ZNF14: variants seen among roughly 807,000 people sequenced by gnomAD.
ZNF14 encodes zinc finger protein 14.
A neutral mutation model predicts 11.3 loss-of-function variants in ZNF14; 9 were observed. That is an observed-to-expected ratio of 0.80 (90% confidence interval 0.48 to 1.39). The LOEUF (loss-of-function observed/expected upper bound fraction) is 1.39. Among genes scored for constraint, ZNF14 ranks in the 40% most tolerant of loss-of-function variants. The probability of loss-of-function intolerance (pLI) is 0.00; values close to 1 mark genes in which losing one functional copy is unlikely to be tolerated. For synonymous variants in ZNF14, 239 were observed against 245.7 expected, an observed-to-expected ratio of 0.97 and a Z score of 0.25; for missense variants, 711 against 763.9, an observed-to-expected ratio of 0.93 and a Z score of 0.82.
chr19:19,720,667 T>C lies in ZNF14; in HGVS notation c.4-6180A>G, dbSNP rs1165680463. ...CAGGAAATTGGGCAGCTCAATTTTC[T>C]AAGAGCTCCTAAAATAATTGGAAGC... On this transcript the variant is annotated intron_variant, in intron 1 of 3. Coordinates refer to ENST00000344099, the MANE Select transcript of ZNF14 (RefSeq NM_021030.3). The surrounding 1 kb of genome is among the most constrained non-coding windows in gnomAD (Gnocchi z 4.1). 1.3e-5 allele frequency among the ~76,000 whole-genome samples: 2 copies of C among 152,102 alleles called. No homozygotes were observed. The highest frequency in any genetic ancestry group is 2.9e-5 in the Non-Finnish European group (2 of 68,016).
rs912504331 is a variant in ZNF14, at chr19:19,713,494, G to A, written c.192-405C>T. 9.9e-5 allele frequency among the ~76,000 whole-genome samples: 15 copies of A among 152,022 alleles called. No homozygotes were observed. In the East Asian group the frequency reaches 2.9e-3, roughly 29 times the overall value. ...GATGGAGTCTTGCTCTGTTGCCCAG[G>A]CTGGAGTACAGTGGCACGATCTAGG... is the stretch of plus-strand genomic sequence containing the variant. On this transcript the variant is annotated intron_variant, in intron 3 of 3. Coordinates refer to ENST00000344099, the MANE Select transcript of ZNF14 (RefSeq NM_021030.3).
intron 1 of ZNF14, among the ~76,000 whole-genome samples, chr19:19,731,242 T>G (rs1253830425): frequency 6.6e-6 from 1 of 152,056 alleles, no homozygotes; most frequent in African/African-American, 2.4e-5. Context: ...GTACCCAAAC[T>G]AGATATGGTA....
chr19:19,712,079 CT>C lies in ZNF14; in HGVS notation c.1201del (p.Ser401ValfsTer305). 6.2e-7 allele frequency: 1 copy of C among 1,613,402 alleles called. No individual in the cohort carries two copies. The highest frequency in any genetic ancestry group is 8.5e-7 in the Non-Finnish European group (1 of 1,179,836). Reference protein sequence around the residue: ...YECKQCHKTFSFSSSLREHET... With the variant: ...YECKQCHKTFXFSSSLREHET... ...GTGTTCTCGAAGGGAACTTGAAAAA[CT>C]GAAGGTTTTATGACACTGTTTACAC... On this transcript the variant is annotated frameshift_variant, in exon 4 of 4. Transcript: ENST00000344099. LOFTEE classifies it low-confidence loss of function (END_TRUNC).
intron 3 of ZNF14, among the ~76,000 whole-genome samples, chr19:19,713,730 T>C (rs2062369154): frequency 7.1e-6 from 1 of 141,258 alleles, no homozygotes; most frequent in African/African-American, 2.6e-5. Context: ...ATTACAGGCA[T>C]GAGCCACTGT....
chr19:19,732,887 G>T, intron 1 of ZNF14, 69 bp downstream of exon 1: 3 of 1,596,378 alleles, frequency 1.9e-6, no homozygotes, highest in Non-Finnish European at 2.6e-6. Context: ...CTGCAAGGAG[G>T]TCCCCGGCCT....
At chr19:19,730,767 C>G (rs11085271) in intron 1 of ZNF14, among the ~76,000 whole-genome samples, 10,774 of 152,136 alleles carry the variant, frequency 0.071, 478 homozygotes, top group East Asian at 0.14. Flanking sequence ...ACAAAATTAG[C>G]TGGGCGTGGT....
At chr19:19,714,058 A>C in intron 3 of ZNF14, 33 bp downstream of exon 3, 1 of 1,599,654 alleles carries the variant, frequency 6.3e-7, no homozygotes, top group Non-Finnish European at 8.5e-7. Context: ...AAATTCCCCC[A>C]CGGGCCACTA....
In ZNF14 at chr19:19,724,255, GT is replaced by G. The variant is rs556391278; in HGVS notation, c.3+8700del. Among the ~76,000 whole-genome samples, 74 of 133,402 alleles carry G rather than the reference GT, an allele frequency of 5.5e-4. 15 individuals carry two copies. Among genetic ancestry groups the G allele is most frequent in the South Asian group, 1.2e-3 (5 of 4,042 alleles). 87.5% of individuals were successfully genotyped at this position (133,402 alleles called of 152,430 possible). ...TTTCCCTCTACACGCTGCTTTAAAT[GT>G]GTCCCAGAGATTCTGGTATGTTTTG... On this transcript the variant is annotated intron_variant, in intron 1 of 3. Coordinates refer to ENST00000344099, the MANE Select transcript of ZNF14 (RefSeq NM_021030.3).
At position 19,712,760 on chromosome 19, in the gene ZNF14, C is replaced by A; in HGVS notation, c.521G>T (p.Cys174Phe). 6.2e-7 allele frequency: 1 copy of A among 1,613,824 alleles called. No homozygotes were observed. Among genetic ancestry groups the A allele is most frequent in the Non-Finnish European group, 8.5e-7 (1 of 1,179,898 alleles). The change falls in exon 4 of 4, where the codon TGT becomes TTT. Residue 174 changes from cysteine to phenylalanine, a missense_variant. Cys to Phe is a radical substitution (Grantham distance 205). Coordinates refer to ENST00000344099, the MANE Select transcript of ZNF14 (RefSeq NM_021030.3). ...CTGGTAATATATAAAGGCTTTCCCA[C>A]ACTGTTTACATTCATAGGGCTTCAC... ...TGVKPYECKQ[C>F]GKAFIYYQPF...
At chr19:19,725,151 T>C (rs2062403421) in intron 1 of ZNF14, among the ~76,000 whole-genome samples, 1 of 133,826 alleles carries the variant, frequency 7.5e-6, no homozygotes, top group Admixed American at 7.3e-5. Context: ...TGCTTGTTAG[T>C]TGATGCAGTT....
chr19:19,730,845 G>T (rs2062421305), intron 1 of ZNF14, among the ~76,000 whole-genome samples: 1 of 152,184 alleles, frequency 6.6e-6, no homozygotes, highest in African/African-American at 2.4e-5. Context: ...CTGGAAGGCG[G>T]AGGTTGCGGT....
intron 1 of ZNF14, among the ~76,000 whole-genome samples, chr19:19,724,657 ATCTG>A (rs1287147668): frequency 7.5e-6 from 1 of 133,302 alleles, no homozygotes; most frequent in African/African-American, 2.8e-5. Flanking sequence ...TGTCTTGTTG[ATCTG>A]TCTAATGTTG....
chr19:19,730,211 A>C (rs2062419239), intron 1 of ZNF14, among the ~76,000 whole-genome samples: 1 of 151,952 alleles, frequency 6.6e-6, no homozygotes, highest in African/African-American at 2.4e-5. Context: ...TATTTTTAGT[A>C]GAGATGGATT....
chr19:19,719,673 T>C (rs962332640), intron 1 of ZNF14, among the ~76,000 whole-genome samples: 5 of 151,816 alleles, frequency 3.3e-5, no homozygotes, highest in South Asian at 4.2e-4. Flanking sequence ...AGAAAAAGAA[T>C]AGAAGATGGG....
At position 19,728,165 on chromosome 19, in the gene ZNF14, C is replaced by G. The variant is rs767018169; in HGVS notation, c.3+4791G>C. ...AAAAAAACACAACAACAAAACAAAA[C>G]AGATCATTAGATAAAAGCAATCTGT... On this transcript the variant is annotated intron_variant, in intron 1 of 3. Transcript: ENST00000344099. Among the ~76,000 whole-genome samples, 24 of 132,208 alleles carry G rather than the reference C, an allele frequency of 1.8e-4. 5 individuals are homozygous for G. Among genetic ancestry groups the G allele is most frequent in the Non-Finnish European group, 3.5e-4 (21 of 59,646 alleles). The allele number at this position is 132,208 out of a possible 152,430, so 86.7% of individuals were successfully genotyped here.
In ZNF14 at chr19:19,712,697, T is replaced by G. The variant is rs1373960919; in HGVS notation, c.584A>C (p.Lys195Thr). 1.9e-6 allele frequency: 3 copies of G among 1,613,850 alleles called. No individual in the cohort carries two copies. In the South Asian group the frequency reaches 3.3e-5, roughly 18 times the overall value. Residue 195 changes from lysine (K) to threonine (T), a missense_variant, in exon 4 of 4, where the codon AAA becomes ACA. Coordinates refer to ENST00000344099, the MANE Select transcript of ZNF14 (RefSeq NM_021030.3). ...TCCACATTGCTTACATTCATAGGGT[T>G]TCTGTCCAGCATGAGTCCTTTCATG... ...QRHERTHAGQ[K>T]PYECKQCGKT...
rs2062365544 is a variant in ZNF14 at position 19,712,712 on chromosome 19, G to A, written c.569C>T (p.Thr190Ile). 3 of 1,613,166 alleles carry A rather than the reference G, an allele frequency of 1.9e-6. No individual in the cohort carries two copies. The highest frequency in any genetic ancestry group is 4.5e-5 in the East Asian group (2 of 44,868). Reference sequence around the variant, plus strand: ...TTCATAGGGTTTCTGTCCAGCATGAGTCCTTTCATGTCTTTGAAATGGCTG... The same window carrying A: ...TTCATAGGGTTTCTGTCCAGCATGAATCCTTTCATGTCTTTGAAATGGCTG... Reference protein sequence around the residue: ...YYQPFQRHERTHAGQKPYECK... With the variant: ...YYQPFQRHERIHAGQKPYECK... Residue 190 changes from threonine (T) to isoleucine (I), a missense_variant, in exon 4 of 4, where the codon ACT becomes ATT. Thr to Ile is a moderately conservative substitution (Grantham distance 89). Coordinates refer to ENST00000344099, the MANE Select transcript of ZNF14 (RefSeq NM_021030.3).
At position 19,712,982 on chromosome 19, in the gene ZNF14, G is replaced by C. The variant is rs1258555697; in HGVS notation, c.299C>G (p.Ala100Gly). 1.2e-6 allele frequency: 2 copies of C among 1,613,982 alleles called. No homozygotes were observed. The highest frequency in any genetic ancestry group is 3.3e-5 in the Admixed American group (2 of 60,000). Residue 100 changes from alanine (A) to glycine (G), a missense_variant, in exon 4 of 4, where the codon GCA (alanine) becomes GGA (glycine). By Grantham distance (60) the Ala-to-Gly change is moderately conservative (BLOSUM62 0). Coordinates refer to ENST00000344099, the MANE Select transcript of ZNF14 (RefSeq NM_021030.3). Reference protein sequence around the residue: ...VNINKETFTGAKPHECSFCGR... With the variant: ...VNINKETFTGGKPHECSFCGR... ...ACAAAAGCTGCATTCATGTGGTTTT[G>C]CTCCAGTAAAAGTTTCCTTGTTGAT... is the stretch of plus-strand genomic sequence containing the variant.
At position 19,711,227 on chromosome 19, in the gene ZNF14, A is replaced by T. The variant is rs959177359; in HGVS notation, c.*125T>A. The stretch of plus-strand genomic sequence containing the variant: ...GTGGGAATTCTTTCGTGCTCAAAAG[A>T]AACTGGAACAATTAAGGGCTTTAGA... On this transcript the variant is annotated 3_prime_UTR_variant, in exon 4 of 4. Coordinates refer to ENST00000344099, the MANE Select transcript of ZNF14 (RefSeq NM_021030.3). 1.8e-5 allele frequency: 20 copies of T among 1,130,006 alleles called. No homozygotes were observed. Among genetic ancestry groups the T allele is most frequent in the Non-Finnish European group, 2.3e-5 (19 of 825,652 alleles). 70.0% of individuals were successfully genotyped at this position (1,130,006 alleles called of 1,614,324 possible).
Sources: allele counts gnomAD v4.1 joint callset (sites outside exome capture counted in the v4.1 genomes callset), GRCh38; gene constraint gnomAD v4.1.1; non-coding constraint Gnocchi (gnomAD v3.1); transcripts MANE v1.5; gene names NCBI Gene and HGNC (gene_info 2026-07-23, HGNC 2026-07-21).